FMN1: variants seen among roughly 807,000 people sequenced by gnomAD.
FMN1 encodes the protein formin 1.
FMN1 carries 110 observed loss-of-function variants against 132.4 expected under a neutral mutation model. The observed-to-expected ratio is 0.83, with a 90% CI of 0.71 to 0.97. The LOEUF is 0.97. FMN1 is among the 50% of genes least tolerant of loss of function. The pLI is 0.00. For synonymous variants in FMN1, 722 were observed against 651.7 expected (o/e 1.11, Z -1.64); for missense variants, 1,792 against 1,705.3 (o/e 1.05, Z -0.90).
At chr15:33,033,197 A>T (rs1287070719) in intron 6 of FMN1, among the ~76,000 whole-genome samples, 1 of 151,860 alleles carries the variant, frequency 6.6e-6, no homozygotes, top group Non-Finnish European at 1.5e-5. Flanking sequence ...CACGCGGCTA[A>T]TTTTTTGTAT....
At chr15:33,002,735 T>C (rs961077053) in intron 7 of FMN1, among the ~76,000 whole-genome samples, 7 of 152,108 alleles carry the variant, frequency 4.6e-5, no homozygotes, top group African/African-American at 1.5e-4. Flanking sequence ...CCAGGTTTTA[T>C]ATAAAAATCT....
intron 9 of FMN1, among the ~76,000 whole-genome samples, chr15:32,952,821 A>T (rs1015743726): frequency 6.6e-6 from 1 of 152,250 alleles, no homozygotes; most frequent in Non-Finnish European, 1.5e-5. Context: ...TTATTTAGTA[A>T]TAAGGGCCTG....
rs1015039451 is a variant in FMN1 at position 32,768,742 on chromosome 15, T to C, written c.*5568A>G. On this transcript the variant is annotated 3_prime_UTR_variant, in exon 21 of 21. Transcript: ENST00000616417. Reference sequence around the variant, plus strand: ...CCACAAGTGTAGTTGGATCAGCCTTTAGAAAAGGAGACTAGAGATTCTCAG... The same window carrying C: ...CCACAAGTGTAGTTGGATCAGCCTTCAGAAAAGGAGACTAGAGATTCTCAG... 4 of 152,042 alleles carry C rather than the reference T, an allele frequency of 2.6e-5. No individual in the cohort carries two copies. The highest frequency in any genetic ancestry group is 9.7e-5 in the African/African-American group (4 of 41,374). The allele number at this position is 152,042 out of a possible 1,614,324, so 9.4% of individuals were successfully genotyped here.
chr15:33,091,346 C>T (rs909988443), intron 4 of FMN1, among the ~76,000 whole-genome samples: 1 of 152,154 alleles, frequency 6.6e-6, no homozygotes, highest in Admixed American at 6.5e-5. Context: ...TCCAATACTG[C>T]ATTAATGAGG....
chr15:32,936,082 T>C (rs886713165), intron 9 of FMN1, among the ~76,000 whole-genome samples: 1 of 152,246 alleles, frequency 6.6e-6, no homozygotes, highest in African/African-American at 2.4e-5. Flanking sequence ...AATATTTGTT[T>C]GGTTCTTCAT....
intron 9 of FMN1, among the ~76,000 whole-genome samples, chr15:32,957,428 G>C (rs1014034181): frequency 6.0e-5 from 9 of 149,062 alleles, no homozygotes; most frequent in African/African-American, 9.8e-5. Flanking sequence ...CTTAGAGACA[G>C]TGTAAATATG....
intron 5 of FMN1, 130 bp downstream of exon 5, chr15:33,088,669 C>T (rs1305082590): frequency 2.4e-6 from 2 of 827,712 alleles, no homozygotes; most frequent in Non-Finnish European, 3.5e-6. Context: ...CTGCAGCCCA[C>T]TGATTTTTTT....
chr15:32,911,013 C>T (rs1033530755), intron 10 of FMN1, among the ~76,000 whole-genome samples: 1 of 152,170 alleles, frequency 6.6e-6, no homozygotes, highest in African/African-American at 2.4e-5. Flanking sequence ...TGGCCACTGC[C>T]AACATCTTGT....
chr15:33,157,993 C>CAAAA (rs71756813), intron 3 of FMN1, among the ~76,000 whole-genome samples: 2 of 123,514 alleles, frequency 1.6e-5, no homozygotes, highest in African/African-American at 3.4e-5. Flanking sequence ...CCCTGTCTTT[C>CAAAA]AAAAAAAAAA....
intron 6 of FMN1, among the ~76,000 whole-genome samples, chr15:33,033,000 T>A (rs2036009130): frequency 6.6e-6 from 1 of 152,176 alleles, no homozygotes; most frequent in Non-Finnish European, 1.5e-5. Flanking sequence ...TACATATGGC[T>A]AGCTGCTGTT....
intron 6 of FMN1, among the ~76,000 whole-genome samples, chr15:33,032,720 C>A (rs761802324): frequency 3.1e-4 from 47 of 152,152 alleles, no homozygotes; most frequent in Admixed American, 2.6e-4. Flanking sequence ...ACAGACAGAT[C>A]ATGACTACTG....
intron 5 of FMN1, among the ~76,000 whole-genome samples, chr15:33,076,252 C>G (rs937580298): frequency 1.3e-5 from 2 of 152,108 alleles, no homozygotes; most frequent in African/African-American, 4.8e-5. Context: ...GGCATGGAGT[C>G]TATGGTGAAA....
At chr15:32,897,924 T>C (rs2060198994) in intron 15 of FMN1, among the ~76,000 whole-genome samples, 2 of 152,150 alleles carry the variant, frequency 1.3e-5, no homozygotes, top group South Asian at 4.1e-4. Context: ...CATGCCTTAA[T>C]AGCCAAAAAC....
chr15:32,996,601 T>C (rs887528688), intron 7 of FMN1, among the ~76,000 whole-genome samples: 8 of 152,216 alleles, frequency 5.3e-5, no homozygotes, highest in African/African-American at 1.9e-4. Context: ...ACTCCTTATA[T>C]ATAAAGACTG....
In FMN1 at chr15:33,028,228, A is replaced by G. The variant is rs561400071; in HGVS notation, c.2162-20153T>C. ...TTCCAGGTGACTCTGATAGACATCC[A>G]AAGTCAAGAACTGCATTTGTAAGTT... On this transcript the variant is annotated intron_variant, in intron 6 of 20. Coordinates refer to ENST00000616417, the MANE Select transcript of FMN1 (RefSeq NM_001277313.2). Among the ~76,000 whole-genome samples, 4 of 152,300 alleles carry G rather than the reference A, an allele frequency of 2.6e-5. No homozygotes were observed. The South Asian group carries it at 6.2e-4, about 24-fold the overall frequency.
intron 3 of FMN1, among the ~76,000 whole-genome samples, chr15:33,174,528 C>T (rs962026355): frequency 2.0e-5 from 3 of 152,200 alleles, no homozygotes; most frequent in Non-Finnish European, 4.4e-5. Flanking sequence ...AGCTGTATTC[C>T]ATAATACTCC....
At chr15:33,060,016 C>T (rs116097050) in intron 6 of FMN1, among the ~76,000 whole-genome samples, 5 of 152,332 alleles carry the variant, frequency 3.3e-5, no homozygotes, top group Non-Finnish European at 5.9e-5. Context: ...TAGCACAATA[C>T]ACTTCACCTC....
rs1402165800 is a variant in FMN1, at chr15:33,088,840, T to C, written c.2002A>G (p.Arg668Gly). Residue 668 changes from arginine to glycine, a missense_variant, in exon 5 of 21, where the codon AGG (arginine) becomes GGG (glycine). Arg to Gly is a moderately radical substitution (Grantham distance 125, BLOSUM62 -2). This residue lies in a region of FMN1 where 1,150 missense variants were observed against 1,043.1 expected (regional missense o/e 1.10). Coordinates refer to ENST00000616417, the MANE Select transcript of FMN1 (RefSeq NM_001277313.2). ...AATTCGCTCCTGTTTGACTTCTCCC[T>C]TTCCTCATGAAGCAAAAATGGACAG... ...PACPFLLHEE[R>G]EKSNRSELYL... The C allele has an allele frequency of 4.6e-6, 7 of 1,535,804 alleles. No individual in the cohort carries two copies. The highest frequency in any genetic ancestry group is 6.1e-6 in the Non-Finnish European group (7 of 1,146,830).
chr15:32,814,937 TTTA>T (rs141495665), intron 17 of FMN1, among the ~76,000 whole-genome samples: 72,511 of 150,868 alleles, frequency 0.48, 17,568 homozygotes, highest in East Asian at 0.57. Flanking sequence ...TTTATTTTAT[TTTA>T]TTATTATTAT....
Sources: allele counts gnomAD v4.1 joint callset (sites outside exome capture counted in the v4.1 genomes callset), GRCh38; gene constraint gnomAD v4.1.1; regional missense constraint gnomAD v4.1.1; transcripts MANE v1.5; gene names NCBI Gene and HGNC (gene_info 2026-07-23, HGNC 2026-07-21).